Variants in ASIC2 observed in about 807,000 individuals in gnomAD.
The protein encoded by ASIC2 is acid-sensing ion channel 2.
Under a neutral mutation model 57.3 loss-of-function variants are expected in ASIC2, and 25 were observed. The ratio of observed to expected loss-of-function variants is 0.44; its 90% CI spans 0.32 to 0.61. The LOEUF is 0.61. Ranked by LOEUF, ASIC2 falls within the 20% of genes least tolerant of loss-of-function variation. The pLI, the probability that ASIC2 is intolerant of heterozygous loss-of-function variation, is 0.06. For missense variants in ASIC2, 641 were observed against 738.1 expected (o/e 0.87, Z 1.52); for synonymous variants, 319 against 307.5 (o/e 1.04, Z -0.39).
intron 1 of ASIC2, among the ~76,000 whole-genome samples, chr17:33,826,818 G>A (rs2141897179): frequency 6.6e-6 from 1 of 152,302 alleles, no homozygotes; most frequent in South Asian, 2.1e-4. Flanking sequence ...CATAGTGTCT[G>A]TCTACCCTCG....
At chr17:33,401,943 G>T (rs529852080) in intron 1 of ASIC2, among the ~76,000 whole-genome samples, 2 of 152,270 alleles carry the variant, frequency 1.3e-5, no homozygotes, top group Admixed American at 1.3e-4. Context: ...TAAATGACAC[G>T]AATGACCCAG....
At chr17:33,983,980 T>C (rs1276800795) in intron 1 of ASIC2, among the ~76,000 whole-genome samples, 1 of 152,232 alleles carries the variant, frequency 6.6e-6, no homozygotes, top group African/African-American at 2.4e-5. Context: ...TGGCAGCATG[T>C]GTCCATGCTG....
chr17:33,296,243 G>A (rs1057301811), upstream of ASIC2, among the ~76,000 whole-genome samples: 2 of 152,060 alleles, frequency 1.3e-5, no homozygotes, highest in Non-Finnish European at 2.9e-5. Context: ...ACTTTAAAGA[G>A]GAGGAAACTT....
chr17:33,379,711 T>C (rs1362659212), intron 1 of ASIC2, among the ~76,000 whole-genome samples: 1 of 152,230 alleles, frequency 6.6e-6, no homozygotes, highest in Non-Finnish European at 1.5e-5. Flanking sequence ...TGATCAGCTA[T>C]GGTTCACACA....
intron 1 of ASIC2, among the ~76,000 whole-genome samples, chr17:33,452,006 G>C (rs976924701): frequency 2.0e-4 from 30 of 152,186 alleles, no homozygotes; most frequent in African/African-American, 6.5e-4. Flanking sequence ...ACATTCACCA[G>C]ATAAGTAAAT....
intron 1 of ASIC2, among the ~76,000 whole-genome samples, chr17:33,890,761 C>A (rs1914942118): frequency 6.6e-6 from 1 of 152,224 alleles, no homozygotes. Flanking sequence ...CTTTCACTCT[C>A]TGCAGGGGCT....
At chr17:33,669,424 A>G (rs1907578223) in intron 1 of ASIC2, among the ~76,000 whole-genome samples, 1 of 152,254 alleles carries the variant, frequency 6.6e-6, no homozygotes, top group Admixed American at 6.5e-5. Flanking sequence ...AAATGTGTGT[A>G]TATCTAACTA....
At chr17:33,732,975 T>C (rs1909794547) in intron 1 of ASIC2, among the ~76,000 whole-genome samples, 1 of 152,178 alleles carries the variant, frequency 6.6e-6, no homozygotes, top group Non-Finnish European at 1.5e-5. Flanking sequence ...TAAGTATCTT[T>C]GAAAGGACAC....
At chr17:33,613,984 GTGGGATTCT>G (rs1905512773) in intron 1 of ASIC2, among the ~76,000 whole-genome samples, 1 of 152,196 alleles carries the variant, frequency 6.6e-6, no homozygotes, top group East Asian at 1.9e-4. Context: ...GTTGCTAGCA[GTGGGATTCT>G]TGGGTTGAAT....
intron 1 of ASIC2, among the ~76,000 whole-genome samples, chr17:33,208,843 A>T (rs1412308398): frequency 6.6e-6 from 1 of 152,166 alleles, no homozygotes; most frequent in African/African-American, 2.4e-5. Context: ...AGGATAAGCT[A>T]AGGAGATGAC....
intron 1 of ASIC2, among the ~76,000 whole-genome samples, chr17:33,768,593 G>GGAAAT: frequency 3.9e-5 from 6 of 152,142 alleles, no homozygotes. Context: ...GAAATCCTAG[G>GGAAAT]CAGACAGGGG....
chr17:33,992,249 C>A (rs1906022187), intron 1 of ASIC2, among the ~76,000 whole-genome samples: 1 of 152,176 alleles, frequency 6.6e-6, no homozygotes, highest in Non-Finnish European at 1.5e-5. Flanking sequence ...TCCTTTTGGG[C>A]AGAATTATAT....
chr17:33,082,419 C>T (rs1239081248), intron 3 of ASIC2, among the ~76,000 whole-genome samples: 1 of 152,152 alleles, frequency 6.6e-6, no homozygotes, highest in Non-Finnish European at 1.5e-5. Context: ...ACTTGGAAGT[C>T]CAGGCATGGT....
intron 1 of ASIC2, among the ~76,000 whole-genome samples, chr17:33,790,150 T>C (rs1911727529): frequency 6.6e-6 from 1 of 152,240 alleles, no homozygotes; most frequent in Admixed American, 6.5e-5. Flanking sequence ...TACATTTATT[T>C]TACTTTTCAA....
intron 1 of ASIC2, among the ~76,000 whole-genome samples, chr17:33,371,168 T>C (rs1909046023): frequency 2.0e-5 from 3 of 152,228 alleles, no homozygotes; most frequent in Admixed American, 6.5e-5. Context: ...GTTCTCAAGA[T>C]AGTGGGATAT....
chr17:34,121,922 C>T (rs1911632384), intron 1 of ASIC2, among the ~76,000 whole-genome samples: 1 of 152,196 alleles, frequency 6.6e-6, no homozygotes, highest in Non-Finnish European at 1.5e-5. Context: ...TTCTCTGAAC[C>T]TTCTCCCTCC....
At chr17:33,103,795 A>G (rs1308839054) in intron 2 of ASIC2, among the ~76,000 whole-genome samples, 1 of 152,138 alleles carries the variant, frequency 6.6e-6, no homozygotes, top group Non-Finnish European at 1.5e-5. Context: ...GTTTTTCTGC[A>G]TAGCACCTCA....
intron 1 of ASIC2, among the ~76,000 whole-genome samples, chr17:33,399,236 A>G (rs954714389): frequency 1.3e-5 from 2 of 152,116 alleles, no homozygotes; most frequent in African/African-American, 4.8e-5. Flanking sequence ...GGCTCTACTT[A>G]TAAATCCAAC....
chr17:33,908,423 G>GAT (rs1915394652), intron 1 of ASIC2, among the ~76,000 whole-genome samples: 1 of 152,208 alleles, frequency 6.6e-6, no homozygotes, highest in African/African-American at 2.4e-5. Flanking sequence ...GGGAGATGAT[G>GAT]AATCAGCAAA....
Sources: gnomAD v4.1 joint callset for allele counts (sites outside exome capture counted in the v4.1 genomes callset) on GRCh38, gnomAD v4.1.1 for gene constraint, MANE v1.5 for transcripts, NCBI Gene and HGNC (gene_info 2026-07-23, HGNC 2026-07-21) for gene names.